MALRD1: variants seen among roughly 807,000 people sequenced by gnomAD.
MALRD1 encodes the protein MAM and LDL receptor class A domain containing 1.
MALRD1 carries 247 observed loss-of-function variants against 242.1 expected under a neutral mutation model. The observed-to-expected ratio is 1.02, with a 90% CI of 0.92 to 1.13. MALRD1 has a LOEUF of 1.13. MALRD1 is among the 50% of genes most tolerant of loss of function. The probability of loss-of-function intolerance (pLI) is 0.00; values close to 1 mark genes in which losing one functional copy is unlikely to be tolerated. For missense variants in MALRD1, 2,989 were observed against 2,533.1 expected (o/e 1.18, Z -3.86); for synonymous variants, 995 against 866.6 (o/e 1.15, Z -2.60).
intron 23 of MALRD1, among the ~76,000 whole-genome samples, chr10:19,329,422 A>AT (rs1554833685): frequency 1.6e-4 from 3 of 18,570 alleles, no homozygotes; most frequent in Non-Finnish European, 3.3e-4. Context: ...ACCCCCCCCC[A>AT]ATTTAAACAA....
At chr10:19,342,249 G>A (rs1161645082) in intron 24 of MALRD1, among the ~76,000 whole-genome samples, 1 of 152,062 alleles carries the variant, frequency 6.6e-6, no homozygotes, top group Non-Finnish European at 1.5e-5. Context: ...ATTATCCTGG[G>A]TACTGAAAAC....
At chr10:19,730,660 T>C (rs989441146) in intron 38 of MALRD1, 46 bp from the exon 39 acceptor site, 28 of 1,507,496 alleles carry the variant, frequency 1.9e-5, no homozygotes, top group Middle Eastern at 1.7e-4. Flanking sequence ...TGTACTATGG[T>C]AAATGTCAAT....
intron 33 of MALRD1, among the ~76,000 whole-genome samples, chr10:19,583,477 A>T (rs2131515909): frequency 6.6e-6 from 1 of 150,412 alleles, no homozygotes; most frequent in African/African-American, 2.4e-5. Flanking sequence ...ATCTATTGAG[A>T]TAATCATGTG....
At chr10:19,229,000 G>A in intron 18 of MALRD1, among the ~76,000 whole-genome samples, 1 of 151,804 alleles carries the variant, frequency 6.6e-6, no homozygotes, top group Non-Finnish European at 1.5e-5. Flanking sequence ...GTGTGTGTGT[G>A]TGTAAGTGTG....
chr10:19,249,974 G>T (rs995276267), intron 18 of MALRD1, among the ~76,000 whole-genome samples: 7 of 151,990 alleles, frequency 4.6e-5, no homozygotes, highest in African/African-American at 1.4e-4. Context: ...TTTACAAAGA[G>T]AATGAAAGGC....
chr10:19,608,600 A>G (rs1838744840), intron 35 of MALRD1, among the ~76,000 whole-genome samples: 1 of 152,140 alleles, frequency 6.6e-6, no homozygotes. Flanking sequence ...TAAATTAATG[A>G]TAGAGATATA....
At chr10:19,165,841 C>T (rs1479190073) in intron 13 of MALRD1, 31 bp downstream of exon 13, 1 of 1,226,046 alleles carries the variant, frequency 8.2e-7, no homozygotes, top group East Asian at 3.2e-5. Context: ...TACAACTCAA[C>T]AGAAGACACT....
intron 26 of MALRD1, 44 bp downstream of exon 26, chr10:19,352,341 A>G (rs1645008319): frequency 6.7e-7 from 1 of 1,497,558 alleles, no homozygotes; most frequent in African/African-American, 1.4e-5. Context: ...TTGCATGGTG[A>G]AAGGTGAAAA....
intron 32 of MALRD1, among the ~76,000 whole-genome samples, chr10:19,539,895 TGTGCGCGCGC>T: frequency 1.7e-5 from 1 of 60,562 alleles, no homozygotes; most frequent in African/African-American, 5.8e-5. Flanking sequence ...TGTGTGTGTG[TGTGCGCGCGC>T]GCGTGCGCGC....
chr10:19,632,446 T>G (rs1839946034), intron 36 of MALRD1, among the ~76,000 whole-genome samples: 1 of 152,138 alleles, frequency 6.6e-6, no homozygotes, highest in South Asian at 2.1e-4. Context: ...GAAGAGGCTC[T>G]GAGCCAGCAT....
chr10:19,595,530 A>C (rs756786372), intron 34 of MALRD1, 73 bp downstream of exon 34: 28 of 1,452,492 alleles, frequency 1.9e-5, no homozygotes, highest in Non-Finnish European at 2.5e-5. Flanking sequence ...AGCTCGACAG[A>C]TAAAATGAAG....
chr10:19,226,412 A>T (rs571838009), intron 18 of MALRD1, among the ~76,000 whole-genome samples: 5 of 152,322 alleles, frequency 3.3e-5, no homozygotes, highest in African/African-American at 1.2e-4. Flanking sequence ...TCTACATAAG[A>T]TTATGAAAAA....
chr10:19,715,982 C>T (rs186305421), intron 38 of MALRD1, among the ~76,000 whole-genome samples: 444 of 151,396 alleles, frequency 2.9e-3, no homozygotes, highest in African/African-American at 0.01. Context: ...TTGGAGGTCA[C>T]ATTTCAACAG....
chr10:19,048,016 C>T (rs1834381265), upstream of MALRD1, among the ~76,000 whole-genome samples: 1 of 152,128 alleles, frequency 6.6e-6, no homozygotes, highest in South Asian at 2.1e-4. Context: ...TATTCACGCT[C>T]ATAAGATTAT....
intron 5 of MALRD1, among the ~76,000 whole-genome samples, chr10:19,107,158 C>G (rs994846179): frequency 2.0e-5 from 3 of 151,806 alleles, no homozygotes; most frequent in East Asian, 3.9e-4. Context: ...ATCTAGAGTT[C>G]GGTTTAAATA....
chr10:19,072,605 T>C (rs866202320), intron 2 of MALRD1, among the ~76,000 whole-genome samples: 2 of 152,056 alleles, frequency 1.3e-5, no homozygotes, highest in African/African-American at 2.4e-5. Context: ...TATTCAATAT[T>C]GGACATAAAT....
chr10:19,361,748 A>G (rs995038329), intron 26 of MALRD1, among the ~76,000 whole-genome samples: 4 of 152,188 alleles, frequency 2.6e-5, no homozygotes, highest in East Asian at 3.9e-4. Context: ...TCCTCTAACC[A>G]TTTCAACATT....
chr10:19,481,185 AC>A (rs1836979859), intron 29 of MALRD1, among the ~76,000 whole-genome samples: 1 of 152,124 alleles, frequency 6.6e-6, no homozygotes, highest in Non-Finnish European at 1.5e-5. Flanking sequence ...ATTTTTCTAA[AC>A]TGTTTCTGTG....
At chr10:19,192,887 A>G (rs1836057322) in intron 14 of MALRD1, among the ~76,000 whole-genome samples, 1 of 152,156 alleles carries the variant, frequency 6.6e-6, no homozygotes, top group South Asian at 2.1e-4. Context: ...TATTGCATCT[A>G]TTAAAGAGGT....
Sources: gnomAD v4.1 joint callset for allele counts (sites outside exome capture counted in the v4.1 genomes callset) on GRCh38, gnomAD v4.1.1 for gene constraint, MANE v1.5 for transcripts, NCBI Gene and HGNC (gene_info 2026-07-23, HGNC 2026-07-21) for gene names.